RAP1GAP2: variants seen among roughly 807,000 people sequenced by gnomAD.
RAP1GAP2 encodes RAP1 GTPase activating protein 2.
RAP1GAP2 carries 27 observed loss-of-function variants against 95.0 expected under a neutral mutation model. The ratio of observed to expected loss-of-function variants is 0.28; its 90% CI spans 0.21 to 0.39. RAP1GAP2 has a LOEUF of 0.39. Ranked by LOEUF, RAP1GAP2 falls within the 10% of genes least tolerant of loss-of-function variation. RAP1GAP2 has a pLI of 1.00. For synonymous variants in RAP1GAP2, 373 were observed against 380.9 expected (o/e 0.98, Z 0.24); for missense variants, 771 against 970.0 (o/e 0.79, Z 2.72).
At chr17:2,966,488 G>A (rs1226658670) in intron 8 of RAP1GAP2, among the ~76,000 whole-genome samples, 2 of 152,150 alleles carry the variant, frequency 1.3e-5, no homozygotes, top group African/African-American at 4.8e-5. Flanking sequence ...ATTCATAAAG[G>A]TATTTGGAAA....
intron 4 of RAP1GAP2, among the ~76,000 whole-genome samples, chr17:2,959,243 G>A (rs1227199935): frequency 6.6e-6 from 1 of 152,186 alleles, no homozygotes; most frequent in Non-Finnish European, 1.5e-5. Flanking sequence ...TCTGAGCACA[G>A]CATTCAGCCC....
chr17:2,849,800 A>G (rs1387679908), intron 2 of RAP1GAP2, among the ~76,000 whole-genome samples: 1 of 148,504 alleles, frequency 6.7e-6, no homozygotes, highest in Non-Finnish European at 1.5e-5. Flanking sequence ...CTCTGCCGTC[A>G]GAGACTTCTG....
At chr17:2,925,118 C>T (rs187804890) in intron 3 of RAP1GAP2, among the ~76,000 whole-genome samples, 42 of 152,276 alleles carry the variant, frequency 2.8e-4, no homozygotes, top group Non-Finnish European at 1.3e-4. Flanking sequence ...AGCTGTTGTT[C>T]TTGTCTGCTT....
At chr17:2,768,611 G>A (rs1488547287) in intron 1 of RAP1GAP2, among the ~76,000 whole-genome samples, 1 of 147,884 alleles carries the variant, frequency 6.8e-6, no homozygotes, top group Non-Finnish European at 1.5e-5. Context: ...AGAATCACAT[G>A]AACCTGGGAT....
intron 2 of RAP1GAP2, among the ~76,000 whole-genome samples, chr17:2,879,317 T>C (rs2073205096): frequency 6.7e-6 from 1 of 148,274 alleles, no homozygotes; most frequent in African/African-American, 2.5e-5. Context: ...GGTTTCACCA[T>C]GTTGGCCAGG....
Position 2,904,226 on chromosome 17 carries a change from G to A in RAP1GAP2, c.81-1058G>A, listed in dbSNP as rs1344915615. Among the ~76,000 whole-genome samples, 2 of 152,108 alleles carry A rather than the reference G, an allele frequency of 1.3e-5. No homozygotes were observed. Among genetic ancestry groups the A allele is most frequent in the South Asian group, 2.1e-4 (1 of 4,830 alleles). ...TTCAGGACACTGGAGTCCCTCACCC[G>A]GGAATTCCCCAGGCTCTGCCCAGCT... On this transcript the variant is annotated intron_variant, in intron 2 of 24. Coordinates refer to ENST00000254695, the MANE Select transcript of RAP1GAP2 (RefSeq NM_015085.5). The surrounding 1 kb of genome is among the most constrained non-coding windows in gnomAD (Gnocchi z 4.7).
rs776476035 is a variant in RAP1GAP2 at position 3,026,137 on chromosome 17, TG to T, written c.1865+19del. Reference sequence around the variant, plus strand: ...ACAAGGAGAAGTAAGAGAGTGAGGGTGGGAAAGGCCAGCTTCGGCCACGTGG... The same window carrying T: ...ACAAGGAGAAGTAAGAGAGTGAGGGTGGAAAGGCCAGCTTCGGCCACGTGG... On this transcript the variant is annotated intron_variant, in intron 20 of 24. Coordinates refer to ENST00000254695, the MANE Select transcript of RAP1GAP2 (RefSeq NM_015085.5). 2.5e-6 allele frequency: 4 copies of T among 1,590,122 alleles called. No individual in the cohort carries two copies. The African/African-American group carries it at 5.4e-5, about 21-fold the overall frequency.
intron 3 of RAP1GAP2, among the ~76,000 whole-genome samples, chr17:2,957,127 C>CA (rs531735734): frequency 4.2e-3 from 315 of 74,836 alleles, no homozygotes; most frequent in East Asian, 0.019. Context: ...GACTCTGTCT[C>CA]AAAAAAAAAA....
chr17:2,757,178 G>C (rs1357967216), intron 1 of RAP1GAP2, among the ~76,000 whole-genome samples: 2 of 152,152 alleles, frequency 1.3e-5, no homozygotes, highest in South Asian at 2.1e-4. Context: ...GAGTGCAGTG[G>C]TGCAATCTCG....
rs752391258 is a variant in RAP1GAP2, at chr17:3,008,830, C to G, written c.1494+685C>G. On this transcript the variant is annotated intron_variant, in intron 17 of 24. Coordinates refer to ENST00000254695, the MANE Select transcript of RAP1GAP2 (RefSeq NM_015085.5). The surrounding 1 kb of genome is among the most constrained non-coding windows in gnomAD (Gnocchi z 4.2). The stretch of plus-strand genomic sequence containing the variant: ...CAGCACGTAGACCCAGCATCTGGCT[C>G]GAGCCTGGCTGTCAGCCTGTGCAGG... 6.6e-6 allele frequency among the ~76,000 whole-genome samples: 1 copy of G among 152,134 alleles called. No individual in the cohort carries two copies. The highest frequency in any genetic ancestry group is 1.5e-5 in the Non-Finnish European group (1 of 68,028).
intron 4 of RAP1GAP2, 40 bp from the exon 5 acceptor site, chr17:2,962,630 C>G: frequency 1.3e-6 from 2 of 1,551,738 alleles, no homozygotes; most frequent in East Asian, 2.4e-5. Context: ...GTCTTCTGAC[C>G]TTTGCTTTTC....
At chr17:2,830,336 C>T (rs949799707) in intron 2 of RAP1GAP2, among the ~76,000 whole-genome samples, 12 of 152,102 alleles carry the variant, frequency 7.9e-5, no homozygotes, top group African/African-American at 2.4e-5. Context: ...ATAGCTTGAA[C>T]CCATGAGGCG....
At chr17:2,804,711 A>T (rs575090669) in intron 2 of RAP1GAP2, among the ~76,000 whole-genome samples, 1 of 152,252 alleles carries the variant, frequency 6.6e-6, no homozygotes, top group African/African-American at 2.4e-5. Context: ...AGAAGCAAGG[A>T]TTTACTTAAC....
At chr17:2,849,501 G>C (rs886344782) in intron 2 of RAP1GAP2, among the ~76,000 whole-genome samples, 1 of 152,134 alleles carries the variant, frequency 6.6e-6, no homozygotes, top group Non-Finnish European at 1.5e-5. Flanking sequence ...CCAGGCATGC[G>C]TGTCTGTCTG....
intron 8 of RAP1GAP2, among the ~76,000 whole-genome samples, chr17:2,967,256 A>G (rs1370979747): frequency 6.6e-6 from 1 of 152,144 alleles, no homozygotes; most frequent in East Asian, 1.9e-4. Flanking sequence ...CTGTAGTCCC[A>G]GCTACTCAGG....
At chr17:2,981,281 C>T (rs771851337) in intron 10 of RAP1GAP2, 33 bp downstream of exon 10, 5 of 1,578,858 alleles carry the variant, frequency 3.2e-6, no homozygotes, top group Non-Finnish European at 4.3e-6. Flanking sequence ...CATAGGGGCC[C>T]TGCAGCTTGG....
intron 3 of RAP1GAP2, among the ~76,000 whole-genome samples, chr17:2,930,689 G>A (rs1005884122): frequency 6.6e-6 from 1 of 152,206 alleles, no homozygotes; most frequent in Non-Finnish European, 1.5e-5. Context: ...GGTCTCTAAC[G>A]TGTCCTCCTT....
intron 3 of RAP1GAP2, among the ~76,000 whole-genome samples, chr17:2,939,291 T>G (rs1344881678): frequency 6.6e-6 from 1 of 152,190 alleles, no homozygotes; most frequent in African/African-American, 2.4e-5. Flanking sequence ...GCTTTCGCCA[T>G]GTTGGCCAGG....
intron 2 of RAP1GAP2, among the ~76,000 whole-genome samples, chr17:2,886,852 T>C (rs1417489450): frequency 5.3e-5 from 8 of 152,174 alleles, no homozygotes; most frequent in Non-Finnish European, 1.0e-4. Context: ...GGATTGCCCC[T>C]CCGGGTCCCT....
Sources: allele counts gnomAD v4.1 joint callset (sites outside exome capture counted in the v4.1 genomes callset), GRCh38; gene constraint gnomAD v4.1.1; non-coding constraint Gnocchi (gnomAD v3.1); transcripts MANE v1.5; gene names NCBI Gene and HGNC (gene_info 2026-07-23, HGNC 2026-07-21).